The following BICD1 variants were observed in gnomAD, a reference collection of about 807,000 sequenced individuals.
BICD1 encodes the protein protein bicaudal D homolog 1.
In BICD1, 35 loss-of-function variants were observed where a neutral mutation model predicts 92.5. That is an observed-to-expected ratio of 0.38 (90% CI 0.29 to 0.50). BICD1 has a LOEUF of 0.50. Ranked by LOEUF, BICD1 falls within the 20% of genes least tolerant of loss-of-function variation. The pLI, the probability that BICD1 is intolerant of heterozygous loss-of-function variation, is 0.93. For missense variants in BICD1, 950 were observed against 1,189.8 expected (o/e 0.80, Z 2.97); for synonymous variants, 429 against 465.1 (o/e 0.92, Z 1.00).
At chr12:32,126,967 GT>G (rs1565533285) in intron 1 of BICD1, among the ~76,000 whole-genome samples, 1 of 151,992 alleles carries the variant, frequency 6.6e-6, no homozygotes, top group Non-Finnish European at 1.5e-5. Context: ...TGCATTTCAT[GT>G]CTTTGCTCAT....
chr12:32,171,213 C>T (rs79551770), intron 1 of BICD1, among the ~76,000 whole-genome samples: 2,553 of 152,322 alleles, frequency 0.017, 69 homozygotes, highest in African/African-American at 0.059. Context: ...AGGCGACACA[C>T]GTCACGATCA....
intron 2 of BICD1, among the ~76,000 whole-genome samples, chr12:32,271,226 G>A (rs1029658165): frequency 6.6e-6 from 1 of 152,162 alleles, no homozygotes; most frequent in Non-Finnish European, 1.5e-5. Context: ...TTCGCTCAGA[G>A]CTGGAGGCTA....
At chr12:32,203,481 G>T (rs372854506) in intron 1 of BICD1, among the ~76,000 whole-genome samples, 13 of 152,144 alleles carry the variant, frequency 8.5e-5, no homozygotes, top group Admixed American at 4.6e-4. Context: ...CCCTGAGAAT[G>T]ACCCTATGGT....
intron 9 of BICD1, among the ~76,000 whole-genome samples, chr12:32,376,112 T>C (rs1592735467): frequency 7.0e-6 from 1 of 143,396 alleles, no homozygotes; most frequent in Admixed American, 7.3e-5. Flanking sequence ...TGAGACGGAG[T>C]CTCGCCCTGT....
At chr12:32,149,020 C>CAA (rs35156666) in intron 1 of BICD1, among the ~76,000 whole-genome samples, 119,581 of 147,058 alleles carry the variant, frequency 0.81, 48,773 homozygotes, top group Admixed American at 0.86. Context: ...GCTCTGTCTC[C>CAA]AAAAAAAAAA....
intron 1 of BICD1, among the ~76,000 whole-genome samples, chr12:32,141,219 C>T (rs994185437): frequency 2.0e-5 from 3 of 152,080 alleles, no homozygotes; most frequent in South Asian, 2.1e-4. Flanking sequence ...GACAGCGTTT[C>T]GATGTTGCAC....
chr12:32,321,194 C>T (rs261904), intron 4 of BICD1, among the ~76,000 whole-genome samples: 1 of 151,964 alleles, frequency 6.6e-6, no homozygotes, highest in African/African-American at 2.4e-5. Flanking sequence ...GGCGTGGTGG[C>T]ACGTCCCTGT....
At position 32,305,762 on chromosome 12, in the gene BICD1, C is replaced by T. The variant is rs201856938; in HGVS notation, c.645C>T (p.Ser215=). The T allele has an allele frequency of 4.3e-6, 7 of 1,614,080 alleles. No individual in the cohort carries two copies. The highest frequency in any genetic ancestry group is 5.9e-6 in the Non-Finnish European group (7 of 1,180,026). The change falls in exon 4 of 10, where the codon AGC becomes AGT. Residue 215 remains serine (S), a synonymous_variant. Transcript: ENST00000652176. ...AGGAGGAGACGGTACTGCTGAACAG[C>T]CAGCTGGAAGATGCCATCCGATTGA... The part of the protein sequence containing the change: ...RFEEETVLLN[S]QLEDAIRLKE...
intron 4 of BICD1, among the ~76,000 whole-genome samples, chr12:32,322,531 G>GTTT (rs1565669638): frequency 1.3e-5 from 2 of 152,178 alleles, no homozygotes; most frequent in Non-Finnish European, 1.5e-5. Context: ...GAGCTCAGGC[G>GTTT]GTAATGTTTG....
At chr12:32,178,377 C>A (rs1039294156) in intron 1 of BICD1, among the ~76,000 whole-genome samples, 1 of 151,976 alleles carries the variant, frequency 6.6e-6, no homozygotes, top group Non-Finnish European at 1.5e-5. Flanking sequence ...TCAATCAGTT[C>A]TCCACTTGAT....
At chr12:32,362,675 G>C (rs1434710371) in intron 8 of BICD1, among the ~76,000 whole-genome samples, 1 of 152,160 alleles carries the variant, frequency 6.6e-6, no homozygotes. Context: ...ATCCAGAGGA[G>C]TGAATAGAAA....
At chr12:32,240,229 T>G (rs1447575131) in intron 2 of BICD1, among the ~76,000 whole-genome samples, 1 of 152,220 alleles carries the variant, frequency 6.6e-6, no homozygotes, top group African/African-American at 2.4e-5. Context: ...ATTAATTTTT[T>G]ATGGCTGCTA....
At chr12:32,303,813 G>A (rs570527022) in intron 3 of BICD1, among the ~76,000 whole-genome samples, 20 of 152,228 alleles carry the variant, frequency 1.3e-4, no homozygotes, top group African/African-American at 3.4e-4. Context: ...GGTGGCTCAC[G>A]CCTGTAATCC....
chr12:32,173,416 A>AAGTG (rs1406221378), intron 1 of BICD1, among the ~76,000 whole-genome samples: 1 of 152,126 alleles, frequency 6.6e-6, no homozygotes, highest in African/African-American at 2.4e-5. Context: ...GGATTCCTTA[A>AAGTG]AGTGATGCCT....
intron 1 of BICD1, among the ~76,000 whole-genome samples, chr12:32,160,550 T>C (rs1295800461): frequency 6.6e-6 from 1 of 152,156 alleles, no homozygotes; most frequent in African/African-American, 2.4e-5. Flanking sequence ...AGGTGGAAAG[T>C]GTTTTTCAGT....
chr12:32,142,234 C>T (rs572852048), intron 1 of BICD1, among the ~76,000 whole-genome samples: 45 of 151,726 alleles, frequency 3.0e-4, no homozygotes, highest in Non-Finnish European at 5.6e-4. Context: ...GGTGAAACCC[C>T]GTCTCTATTA....
intron 2 of BICD1, among the ~76,000 whole-genome samples, chr12:32,252,350 A>G (rs1010177188): frequency 4.6e-5 from 7 of 151,410 alleles, no homozygotes; most frequent in Non-Finnish European, 1.0e-4. Flanking sequence ...TCCGATTCAC[A>G]TCAAAGATGT....
At chr12:32,296,910 T>C (rs1255827490) in intron 3 of BICD1, among the ~76,000 whole-genome samples, 3 of 152,212 alleles carry the variant, frequency 2.0e-5, no homozygotes, top group Non-Finnish European at 4.4e-5. Context: ...TCCCAGTAAT[T>C]GAAACATGGA....
chr12:32,146,678 G>A (rs1164258127), intron 1 of BICD1, among the ~76,000 whole-genome samples: 1 of 152,192 alleles, frequency 6.6e-6, no homozygotes, highest in Admixed American at 6.5e-5. Context: ...GGAAGGGCAC[G>A]CAGTGACAGA....
Sources: gnomAD v4.1 joint callset for allele counts (sites outside exome capture counted in the v4.1 genomes callset) on GRCh38, gnomAD v4.1.1 for gene constraint, MANE v1.5 for transcripts, NCBI Gene and HGNC (gene_info 2026-07-23, HGNC 2026-07-21) for gene names.